MED13L: variants seen among roughly 807,000 people sequenced by gnomAD.
MED13L encodes mediator of RNA polymerase II transcription subunit 13-like.
A neutral mutation model predicts 220.9 loss-of-function variants in MED13L; 7 were observed. That is an observed-to-expected ratio of 0.03 (90% confidence interval 0.02 to 0.06). The LOEUF (loss-of-function observed/expected upper bound fraction) is 0.06, where lower values mean the gene tolerates loss of function less well. Among genes scored for constraint, MED13L ranks in the 10% least tolerant of loss-of-function variants. MED13L has a pLI of 1.00. For missense variants in MED13L, 1,965 were observed against 2,760.5 expected, an observed-to-expected ratio of 0.71 and a Z score of 6.46; for synonymous variants, 1,011 against 1,015.2, an observed-to-expected ratio of 1.00 and a Z score of 0.08.
chr12:116,011,901 T>C (rs1483613090), intron 9 of MED13L, among the ~76,000 whole-genome samples: 1 of 152,216 alleles, frequency 6.6e-6, no homozygotes, highest in Non-Finnish European at 1.5e-5. Context: ...AGTCTGCATA[T>C]ATGCAGGGGG....
rs1257256737 is a variant in MED13L at position 116,120,477 on chromosome 12, T to TCTCTCACA, written c.311-8966_311-8965insTGTGAGAG. On this transcript the variant is annotated intron_variant, in intron 2 of 30. Transcript: ENST00000281928. ...CTCTCTCTCTCTCTCTCTCTCTCTCTCACACACACACACACACACACACAC... is the reference window on the plus strand; with the variant it reads ...CTCTCTCTCTCTCTCTCTCTCTCTCTCTCTCACACACACACACACACACACACACACAC... Among the ~76,000 whole-genome samples the TCTCTCACA allele has an allele frequency of 2.5e-4, 20 of 79,472 alleles. 1 individual carries two copies. Among genetic ancestry groups the TCTCTCACA allele is most frequent in the South Asian group, 1.2e-3 (2 of 1,662 alleles). The allele number at this position is 79,472 out of a possible 152,430, so 52.1% of individuals were successfully genotyped here. A position where few individuals can be genotyped will look rare whatever the true frequency, so the allele number is the denominator to read the frequency against.
chr12:116,086,463 G>A (rs900642645), intron 4 of MED13L, among the ~76,000 whole-genome samples: 2 of 152,024 alleles, frequency 1.3e-5, no homozygotes, highest in East Asian at 1.9e-4. Flanking sequence ...TGTATTTTTA[G>A]TAGAGACGGA....
chr12:115,987,488 A>G (rs1877773800), intron 17 of MED13L, among the ~76,000 whole-genome samples, 200 bp from the exon 18 acceptor site: 1 of 152,208 alleles, frequency 6.6e-6, no homozygotes, highest in Non-Finnish European at 1.5e-5. Flanking sequence ...TAGTATCAAC[A>G]ATAATAAAAG....
At chr12:115,981,510 T>C (rs1012474322) in intron 22 of MED13L, among the ~76,000 whole-genome samples, 4 of 152,154 alleles carry the variant, frequency 2.6e-5, no homozygotes, top group Non-Finnish European at 5.9e-5. Context: ...ACTATAAAGC[T>C]GTCAAAGGTG....
intron 11 of MED13L, 131 bp from the exon 12 acceptor site, chr12:116,006,542 T>C: frequency 3.9e-6 from 3 of 771,288 alleles, no homozygotes; most frequent in Non-Finnish European, 6.8e-6. Context: ...CCATGGTCTA[T>C]GCAACCAAAG....
chr12:116,076,323 G>A (rs1870797308), intron 4 of MED13L, among the ~76,000 whole-genome samples: 1 of 152,154 alleles, frequency 6.6e-6, no homozygotes, highest in Non-Finnish European at 1.5e-5. Context: ...GACTGCTTGA[G>A]ACCAGGAATT....
chr12:116,272,981 A>G (rs1873507249), intron 1 of MED13L, among the ~76,000 whole-genome samples: 1 of 152,232 alleles, frequency 6.6e-6, no homozygotes, highest in South Asian at 2.1e-4. Flanking sequence ...AACCGAAAAC[A>G]TACATTAACA....
At chr12:116,088,836 C>G (rs1048580026) in intron 4 of MED13L, among the ~76,000 whole-genome samples, 5 of 150,770 alleles carry the variant, frequency 3.3e-5, no homozygotes, top group African/African-American at 1.2e-4. Context: ...AAATCAACAA[C>G]ACGTTCAAAG....
In MED13L at chr12:116,162,203, A is replaced by T. The variant is rs570736666; in HGVS notation, c.311-50691T>A. On this transcript the variant is annotated intron_variant, in intron 2 of 30. Transcript: ENST00000281928. ...AAGTCCCCTCTGCTTTAACCCTTAT[A>T]AAAAAAAAGTAAACTGAAGTAATCT... Among the ~76,000 whole-genome samples the T allele has an allele frequency of 5.6e-3, 579 of 103,972 alleles. 2 individuals are homozygous for T. Among genetic ancestry groups the T allele is most frequent in the Non-Finnish European group, 9.0e-3 (385 of 42,920 alleles). The allele number at this position is 103,972 out of a possible 152,430, so 68.2% of individuals were successfully genotyped here. A position where few individuals can be genotyped will look rare whatever the true frequency, so the allele number is the denominator to read the frequency against.
intron 2 of MED13L, among the ~76,000 whole-genome samples, chr12:116,189,621 T>C (rs117201667): frequency 1.6e-3 from 237 of 152,328 alleles, no homozygotes; most frequent in Non-Finnish European, 2.0e-3. Flanking sequence ...CTTATTCCAT[T>C]CAGTCTGTGA....
chr12:116,222,919 C>A (rs1350961286), intron 2 of MED13L, among the ~76,000 whole-genome samples: 2 of 152,190 alleles, frequency 1.3e-5, no homozygotes, highest in Admixed American at 1.3e-4. Context: ...ATCGTACAAT[C>A]TCATTTTATC....
At chr12:116,022,282 T>A (rs1260391448) in intron 5 of MED13L, among the ~76,000 whole-genome samples, 174 bp downstream of exon 5, 2 of 152,244 alleles carry the variant, frequency 1.3e-5, no homozygotes, top group Non-Finnish European at 2.9e-5. Flanking sequence ...TAACACACTA[T>A]TACTACTTAA....
chr12:116,251,448 T>A (rs1249660157), intron 1 of MED13L, among the ~76,000 whole-genome samples: 1 of 139,274 alleles, frequency 7.2e-6, no homozygotes, highest in Non-Finnish European at 1.5e-5. Flanking sequence ...GCGTGAGGGA[T>A]CCTTTTTTTT....
chr12:116,120,699 T>C (rs1875020402), intron 2 of MED13L, among the ~76,000 whole-genome samples: 1 of 151,612 alleles, frequency 6.6e-6, no homozygotes, highest in Admixed American at 6.6e-5. Context: ...GCATGCTGTC[T>C]CCATTCCAAA....
intron 1 of MED13L, among the ~76,000 whole-genome samples, chr12:116,271,360 G>A (rs995328723): frequency 9.9e-5 from 15 of 152,076 alleles, no homozygotes; most frequent in Non-Finnish European, 1.8e-4. Context: ...GGAGGCCGAG[G>A]CGGGAGGATC....
intron 2 of MED13L, among the ~76,000 whole-genome samples, chr12:116,129,368 A>G (rs1242945611): frequency 6.6e-6 from 1 of 152,210 alleles, no homozygotes; most frequent in Non-Finnish European, 1.5e-5. Flanking sequence ...ACTATTCACT[A>G]TTCGTATTCA....
chr12:116,050,618 T>A (rs1868401445), intron 4 of MED13L, among the ~76,000 whole-genome samples: 1 of 151,784 alleles, frequency 6.6e-6, no homozygotes, highest in African/African-American at 2.4e-5. Flanking sequence ...GTATCAAGAG[T>A]CTCTAATTTA....
intron 2 of MED13L, among the ~76,000 whole-genome samples, chr12:116,183,467 A>G (rs1042521664): frequency 2.6e-5 from 4 of 152,182 alleles, no homozygotes; most frequent in Non-Finnish European, 5.9e-5. Flanking sequence ...AATGACTAGT[A>G]TTACCAAGAA....
intron 2 of MED13L, among the ~76,000 whole-genome samples, chr12:116,187,882 TAA>T (rs75880346): frequency 4.2e-4 from 55 of 132,450 alleles, no homozygotes; most frequent in Admixed American, 6.1e-4. Context: ...TTTTATAAGT[TAA>T]AAAAAAAAAA....
Sources: allele counts gnomAD v4.1 joint callset (sites outside exome capture counted in the v4.1 genomes callset), GRCh38; gene constraint gnomAD v4.1.1; transcripts MANE v1.5; gene names NCBI Gene and HGNC (gene_info 2026-07-23, HGNC 2026-07-21).